The following DNAJA2 variants were observed in gnomAD, a reference collection of about 807,000 sequenced individuals.
DNAJA2 encodes DnaJ heat shock protein family (Hsp40) member A2.
A neutral mutation model predicts 49.3 loss-of-function variants in DNAJA2; 6 were observed. The ratio of observed to expected loss-of-function variants is 0.12; its 90% CI spans 0.07 to 0.24. The LOEUF (loss-of-function observed/expected upper bound fraction) is 0.24. Among genes scored for constraint, DNAJA2 ranks in the 10% least tolerant of loss-of-function variants. The probability of loss-of-function intolerance (pLI) is 1.00; values close to 1 mark genes in which losing one functional copy is unlikely to be tolerated. For missense variants in DNAJA2, 347 were observed against 516.8 expected, an observed-to-expected ratio of 0.67 and a Z score of 3.19; for synonymous variants, 160 against 172.7, an observed-to-expected ratio of 0.93 and a Z score of 0.58.
intron 8 of DNAJA2, 47 bp from the exon 9 acceptor site, chr16:46,957,267 A>C: frequency 6.7e-7 from 1 of 1,502,836 alleles, no homozygotes; most frequent in Non-Finnish European, 8.9e-7. Flanking sequence ...TATTTTCATC[A>C]ACTTTCCTTT....
intron 5 of DNAJA2, 25 bp downstream of exon 5, chr16:46,967,488 A>G (rs754369295): frequency 1.3e-5 from 21 of 1,612,946 alleles, no homozygotes; most frequent in African/African-American, 4.0e-5. Context: ...CCAACATAAA[A>G]GCAGAGAAGT....
At chr16:46,964,541 C>G (rs1320303976) in intron 6 of DNAJA2, 70 bp downstream of exon 6, 1 of 1,468,374 alleles carries the variant, frequency 6.8e-7, no homozygotes, top group African/African-American at 1.4e-5. Flanking sequence ...ACAGATCTAA[C>G]CTATTTCTCA....
chr16:46,971,907 C>A lies in DNAJA2; in HGVS notation c.127G>T (p.Ala43Ser). ...TGCAAATAACTTACTTTGTCTCCTG[C>A]ATTTGGATTCTTATCAGGATGATAT... The part of the protein sequence containing the change: ...KEYHPDKNPN[A>S]GDKFKEISFA... The change falls in exon 2 of 9, where the codon GCA (alanine) becomes TCA (serine). Residue 43 changes from alanine to serine, a missense_variant. Ala to Ser is a moderately conservative substitution (Grantham distance 99, BLOSUM62 1). Transcript: ENST00000317089. 6.2e-7 allele frequency: 1 copy of A among 1,612,560 alleles called. No individual in the cohort carries two copies. Among genetic ancestry groups the A allele is most frequent in the Non-Finnish European group, 8.5e-7 (1 of 1,178,822 alleles).
intron 5 of DNAJA2, among the ~76,000 whole-genome samples, chr16:46,965,744 T>G (rs1961959875): frequency 6.8e-6 from 1 of 146,996 alleles, no homozygotes. Flanking sequence ...GGCAGCAGAA[T>G]CACTTGAACC....
rs142894389 is a variant in DNAJA2 at position 46,956,482 on chromosome 16, A to C, written c.*547T>G. 1.9e-3 allele frequency: 286 copies of C among 152,564 alleles called. 1 individual carries two copies. The highest frequency in any genetic ancestry group is 3.6e-3 in the Non-Finnish European group (243 of 67,998). The allele number at this position is 152,564 out of a possible 1,614,324, so 9.5% of individuals were successfully genotyped here. On this transcript the variant is annotated 3_prime_UTR_variant, in exon 9 of 9. Transcript: ENST00000317089. ...AAAGAAAAAAAAAACAAAACCAAAA[A>C]CAAAAAAACTTTACAACCACAGCTA...
At position 46,959,298 on chromosome 16, in the gene DNAJA2, G is replaced by C; in HGVS notation, c.896C>G (p.Pro299Arg). Residue 299 changes from proline to arginine, a missense_variant, in exon 7 of 9, where the codon CCC becomes CGC. Transcript: ENST00000317089. ...ACCTGGTTCAATTACTTTGCCAGGG[G>C]GGTATTTCACCACAATCTGACGTCC... Reference protein sequence around the residue: ...LDGRQIVVKYPPGKVIEPGCV... With the variant: ...LDGRQIVVKYRPGKVIEPGCV... 1 of 1,613,798 alleles carries C rather than the reference G, an allele frequency of 6.2e-7. No individual in the cohort carries two copies. The highest frequency in any genetic ancestry group is 8.5e-7 in the Non-Finnish European group (1 of 1,179,908).
chr16:46,960,891 A>G (rs1299990922), intron 6 of DNAJA2, among the ~76,000 whole-genome samples: 4 of 151,814 alleles, frequency 2.6e-5, no homozygotes, highest in African/African-American at 7.3e-5. Flanking sequence ...AAACTAGGCT[A>G]GTTGAGGCAG....
rs1181319538 is a variant in DNAJA2, at chr16:46,968,223, A to AT, written c.363-60dup. The AT allele has an allele frequency of 2.6e-5, 31 of 1,211,140 alleles. No individual in the cohort carries two copies. In the African/African-American group the frequency reaches 3.1e-4, roughly 12 times the overall value. 75.0% of individuals were successfully genotyped at this position (1,211,140 alleles called of 1,614,324 possible). A position where few individuals can be genotyped will look rare whatever the true frequency, so the allele number is the denominator to read the frequency against. Reference sequence around the variant, plus strand: ...TGCCACATTTTGTCAAATACAAGATATAAGTAACAGCTGATACAGCAAATT... The same window carrying AT: ...TGCCACATTTTGTCAAATACAAGATATTAAGTAACAGCTGATACAGCAAATT... On this transcript the variant is annotated intron_variant, in intron 3 of 8. Transcript: ENST00000317089.
intron 8 of DNAJA2, chr16:46,958,545 CA>C (rs1961848420): frequency 7.1e-6 from 1 of 141,840 alleles, no homozygotes; most frequent in Non-Finnish European, 1.5e-5. Context: ...GCCTGGGTGA[CA>C]GAGCAAGACT....
In DNAJA2 at chr16:46,959,076, T is replaced by A; in HGVS notation, c.974A>T (p.Glu325Val). The change falls in exon 8 of 9, where the codon GAA (glutamate) becomes GTA (valine). Residue 325 changes from glutamate to valine, a missense_variant. By Grantham distance (121) the Glu-to-Val change is moderately radical (BLOSUM62 -2). Coordinates refer to ENST00000317089, the MANE Select transcript of DNAJA2 (RefSeq NM_005880.4). Reference sequence around the variant, plus strand: ...AAACTTTATGTAAAGATCACCTTTTTCAAAGGGATTACGATACTGCGGCAT... The same window carrying A: ...AAACTTTATGTAAAGATCACCTTTTACAAAGGGATTACGATACTGCGGCAT... ...EGMPQYRNPF[E>V]KGDLYIKFDV... is the part of the protein sequence containing the mutation. 1 of 1,613,442 alleles carries A rather than the reference T, an allele frequency of 6.2e-7. No homozygotes were observed. The highest frequency in any genetic ancestry group is 8.5e-7 in the Non-Finnish European group (1 of 1,179,750).
intron 5 of DNAJA2, among the ~76,000 whole-genome samples, chr16:46,965,601 C>T (rs1290366844): frequency 2.0e-5 from 3 of 151,878 alleles, no homozygotes; most frequent in Admixed American, 6.6e-5. Context: ...GAGGCGAAGG[C>T]GGGAGGATCA....
At position 46,971,461 on chromosome 16, in the gene DNAJA2, T is replaced by G; in HGVS notation, c.250A>C (p.Met84Leu). 2 of 1,614,112 alleles carry G rather than the reference T, an allele frequency of 1.2e-6. No homozygotes were observed. Among genetic ancestry groups the G allele is most frequent in the South Asian group, 2.2e-5 (2 of 91,084 alleles). ...LREGSGGGGG[M>L]DDIFSHIFGG... is the part of the protein sequence containing the mutation. Reference sequence around the variant, plus strand: ...AAAATGTGAGAGAAAATATCATCCATGCCACCACCTCCGCCGCTGCCTTCC... The same window carrying G: ...AAAATGTGAGAGAAAATATCATCCAGGCCACCACCTCCGCCGCTGCCTTCC... Residue 84 changes from methionine to leucine, a missense_variant, in exon 3 of 9, where the codon ATG (methionine) becomes CTG (leucine). By Grantham distance (15) the Met-to-Leu change is conservative. Coordinates refer to ENST00000317089, the MANE Select transcript of DNAJA2 (RefSeq NM_005880.4).
In DNAJA2 at chr16:46,964,600, A is replaced by T; in HGVS notation, c.774+11T>A. ...AAACAAAATACAAAAAACTAAAAAA[A>T]GGAAAATCACCTCATGTTCTTTCTC... On this transcript the variant is annotated intron_variant, in intron 6 of 8. Coordinates refer to ENST00000317089, the MANE Select transcript of DNAJA2 (RefSeq NM_005880.4). 1.9e-6 allele frequency: 3 copies of T among 1,581,372 alleles called. No homozygotes were observed. Among genetic ancestry groups the T allele is most frequent in the Non-Finnish European group, 2.6e-6 (3 of 1,169,764 alleles).
Position 46,967,422 on chromosome 16 carries a change from T to C in DNAJA2, c.577+91A>G, listed in dbSNP as rs887719100. 1.4e-5 allele frequency: 22 copies of C among 1,528,024 alleles called. No individual in the cohort carries two copies. The African/African-American group carries it at 1.5e-4, about 11-fold the overall frequency. The allele number at this position is 1,528,024 out of a possible 1,614,324, so 94.7% of individuals were successfully genotyped here. A position where few individuals can be genotyped will look rare whatever the true frequency, so the allele number is the denominator to read the frequency against. On this transcript the variant is annotated intron_variant, in intron 5 of 8. Transcript: ENST00000317089. Reference sequence around the variant, plus strand: ...TTTTCTTTAATAAGATGTATACAAATACCCTTTGAAATAAAAAATTGTAAA... The same window carrying C: ...TTTTCTTTAATAAGATGTATACAAACACCCTTTGAAATAAAAAATTGTAAA...
chr16:46,959,224 ATTT>A, intron 7 of DNAJA2, 48 bp downstream of exon 7: 1 of 1,582,186 alleles, frequency 6.3e-7, no homozygotes. Flanking sequence ...ACAAATTGTA[ATTT>A]TTTTCAAAAA....
intron 4 of DNAJA2, 97 bp downstream of exon 4, chr16:46,967,987 G>C (rs919202344): frequency 1.6e-6 from 2 of 1,238,632 alleles, no homozygotes; most frequent in East Asian, 2.4e-5. Flanking sequence ...CCAGCCGTAA[G>C]TTTTAACTTA....
At chr16:46,960,387 T>C (rs1056490513) in intron 6 of DNAJA2, among the ~76,000 whole-genome samples, 3 of 152,200 alleles carry the variant, frequency 2.0e-5, no homozygotes, top group Non-Finnish European at 4.4e-5. Flanking sequence ...TGTGCTAAAG[T>C]TTGAGATCCA....
At chr16:46,966,678 T>C (rs946821336) in intron 5 of DNAJA2, among the ~76,000 whole-genome samples, 5 of 152,212 alleles carry the variant, frequency 3.3e-5, no homozygotes, top group Non-Finnish European at 5.9e-5. Flanking sequence ...AGATGAGTAG[T>C]TGTGACAAAA....
Position 46,959,057 on chromosome 16 carries a change from T to C in DNAJA2, c.993A>G (p.Ile331Met), listed in dbSNP as rs762465852. ...TTTCAGGAAACTGCACATCAAACTT[T>C]ATGTAAAGATCACCTTTTTCAAAGG... ...RNPFEKGDLY[I>M]KFDVQFPENN... The change falls in exon 8 of 9, where the codon ATA becomes ATG. Residue 331 changes from isoleucine (I) to methionine (M), a missense_variant. Physicochemically the swap from Ile to Met is conservative, Grantham distance 10 (BLOSUM62 1). Coordinates refer to ENST00000317089, the MANE Select transcript of DNAJA2 (RefSeq NM_005880.4). 6.2e-7 allele frequency: 1 copy of C among 1,613,122 alleles called. No homozygotes were observed. Among genetic ancestry groups the C allele is most frequent in the Non-Finnish European group, 8.5e-7 (1 of 1,179,758 alleles).
Sources: gnomAD v4.1 joint callset for allele counts (sites outside exome capture counted in the v4.1 genomes callset) on GRCh38, gnomAD v4.1.1 for gene constraint, MANE v1.5 for transcripts, NCBI Gene and HGNC (gene_info 2026-07-23, HGNC 2026-07-21) for gene names.